The following CADPS variants were observed in gnomAD, a reference collection of about 807,000 sequenced individuals.
CADPS encodes calcium dependent secretion activator.
A neutral mutation model predicts 167.3 loss-of-function variants in CADPS; 57 were observed. The ratio of observed to expected loss-of-function variants is 0.34; its 90% CI spans 0.28 to 0.42. The LOEUF is 0.42. CADPS is among the 20% of genes least tolerant of loss of function. The probability of loss-of-function intolerance (pLI) is 1.00; values close to 1 mark genes in which losing one functional copy is unlikely to be tolerated. For missense variants in CADPS, 1,414 were observed against 1,738.1 expected, an observed-to-expected ratio of 0.81 and a Z score of 3.32; for synonymous variants, 676 against 635.3, an observed-to-expected ratio of 1.06 and a Z score of -0.96.
intron 28 of CADPS, among the ~76,000 whole-genome samples, chr3:62,408,426 A>G (rs2048317303): frequency 6.6e-6 from 1 of 152,150 alleles, no homozygotes; most frequent in Admixed American, 6.5e-5. Flanking sequence ...TTGCTCACTT[A>G]CCTCTTCCTA....
chr3:62,510,784 G>T (rs1421787033), intron 17 of CADPS, among the ~76,000 whole-genome samples: 2 of 152,028 alleles, frequency 1.3e-5, no homozygotes, highest in Admixed American at 1.3e-4. Flanking sequence ...TGGTTATGTA[G>T]ACCTATCCAT....
At chr3:62,787,639 A>G (rs996924671) in intron 1 of CADPS, among the ~76,000 whole-genome samples, 1 of 152,200 alleles carries the variant, frequency 6.6e-6, no homozygotes, top group African/African-American at 2.4e-5. Flanking sequence ...TGTGTGTTCA[A>G]AATAGCTTGG....
At chr3:62,788,707 G>C (rs1404870455) in intron 1 of CADPS, among the ~76,000 whole-genome samples, 1 of 152,156 alleles carries the variant, frequency 6.6e-6, no homozygotes, top group East Asian at 1.9e-4. Context: ...TTTTCAATCA[G>C]TTGACTTCTG....
intron 1 of CADPS, among the ~76,000 whole-genome samples, chr3:62,794,792 A>AAAGAAAAAG (rs2093267903): frequency 2.7e-5 from 4 of 147,526 alleles, no homozygotes; most frequent in African/African-American, 1.1e-4. Context: ...AAAAAAAAAA[A>AAAGAAAAAG]AAAAAAAAAA....
chr3:62,584,629 T>C (rs1342915888), intron 8 of CADPS, among the ~76,000 whole-genome samples: 1 of 152,266 alleles, frequency 6.6e-6, no homozygotes, highest in Admixed American at 6.5e-5. Flanking sequence ...GCATCTTACC[T>C]ATTCTTTTTG....
At chr3:62,858,136 A>C (rs2080064501) in intron 1 of CADPS, among the ~76,000 whole-genome samples, 1 of 152,194 alleles carries the variant, frequency 6.6e-6, no homozygotes, top group Non-Finnish European at 1.5e-5. Flanking sequence ...TTACACAACA[A>C]GAAAATTTAC....
intron 9 of CADPS, among the ~76,000 whole-genome samples, chr3:62,559,520 G>A (rs1478802622): frequency 6.6e-6 from 1 of 151,302 alleles, no homozygotes; most frequent in Non-Finnish European, 1.5e-5. Flanking sequence ...TTTAGATGGA[G>A]TTTTCTTCTT....
intron 3 of CADPS, among the ~76,000 whole-genome samples, chr3:62,691,614 A>G (rs1254992869): frequency 2.0e-5 from 3 of 152,088 alleles, no homozygotes; most frequent in South Asian, 2.1e-4. Flanking sequence ...AAGGAACTAG[A>G]TCATGTCATT....
At chr3:62,611,725 T>A (rs1454216844) in intron 6 of CADPS, among the ~76,000 whole-genome samples, 3 of 152,200 alleles carry the variant, frequency 2.0e-5, no homozygotes, top group Admixed American at 2.0e-4. Context: ...AGGATCTTCA[T>A]ACTTACTGTT....
intron 1 of CADPS, among the ~76,000 whole-genome samples, chr3:62,865,071 A>G (rs1358826866): frequency 6.6e-6 from 1 of 152,202 alleles, no homozygotes; most frequent in Non-Finnish European, 1.5e-5. Context: ...ATGTTATGAC[A>G]CACTGCCTTA....
intron 26 of CADPS, among the ~76,000 whole-genome samples, 177 bp from the exon 27 acceptor site, chr3:62,445,974 T>C (rs1237297813): frequency 6.6e-6 from 1 of 152,230 alleles, no homozygotes; most frequent in Non-Finnish European, 1.5e-5. Flanking sequence ...CCATAGCCAC[T>C]GCTTTGCAGA....
chr3:62,516,792 C>T, intron 14 of CADPS, 149 bp from the exon 15 acceptor site: 1 of 600,418 alleles, frequency 1.7e-6, no homozygotes, highest in Non-Finnish European at 3.0e-6. Flanking sequence ...GAATTCACAC[C>T]ATATATGTGT....
At chr3:62,549,153 T>A (rs545745306) in intron 11 of CADPS, among the ~76,000 whole-genome samples, 1 of 152,348 alleles carries the variant, frequency 6.6e-6, no homozygotes, top group East Asian at 1.9e-4. Flanking sequence ...AAGACTCTAT[T>A]TAGAATGAAT....
intron 26 of CADPS, among the ~76,000 whole-genome samples, chr3:62,459,066 G>A (rs1201190377): frequency 6.6e-6 from 1 of 152,156 alleles, no homozygotes; most frequent in Non-Finnish European, 1.5e-5. Context: ...ACCCCAAAGG[G>A]GATGTCAAAT....
chr3:62,655,458 G>C (rs2071307199), intron 4 of CADPS, among the ~76,000 whole-genome samples: 1 of 152,114 alleles, frequency 6.6e-6, no homozygotes, highest in Admixed American at 6.6e-5. Flanking sequence ...TTTTTGTTTT[G>C]GGCTGATAAC....
Position 62,458,858 on chromosome 3 carries a change from T to C in CADPS, c.3636+6509A>G, listed in dbSNP as rs554988984. 6.0e-4 allele frequency among the ~76,000 whole-genome samples: 91 copies of C among 152,360 alleles called. 1 individual carries two copies. In the South Asian group the frequency reaches 0.017, roughly 29 times the overall value. On this transcript the variant is annotated intron_variant, in intron 26 of 29. Coordinates refer to ENST00000383710, the MANE Select transcript of CADPS (RefSeq NM_003716.4). This position sits in a 1 kb window ranked among gnomAD's most constrained non-coding sequence, Gnocchi z 4.6. Reference sequence around the variant, plus strand: ...TGGAGAAAATACTGTGTGTGTCTTATGTTTGCTTTGAATGATATTCAGCTG... The same window carrying C: ...TGGAGAAAATACTGTGTGTGTCTTACGTTTGCTTTGAATGATATTCAGCTG...
chr3:62,453,066 G>A (rs1447939972), intron 26 of CADPS, among the ~76,000 whole-genome samples: 1 of 152,160 alleles, frequency 6.6e-6, no homozygotes, highest in Non-Finnish European at 1.5e-5. Flanking sequence ...CCAGGAGTTC[G>A]AAGCTGCGGT....
intron 17 of CADPS, among the ~76,000 whole-genome samples, chr3:62,507,666 C>T (rs987794195): frequency 6.6e-6 from 1 of 152,112 alleles, no homozygotes; most frequent in African/African-American, 2.4e-5. Flanking sequence ...ATGCATATTC[C>T]CAGGCTCCAC....
At position 62,874,828 on chromosome 3, in the gene CADPS, C is replaced by T; in HGVS notation, c.202G>A (p.Gly68Ser). 1 of 1,037,226 alleles carries T rather than the reference C, an allele frequency of 9.6e-7. No homozygotes were observed. Among genetic ancestry groups the T allele is most frequent in the Non-Finnish European group, 1.2e-6 (1 of 854,630 alleles). The allele number at this position is 1,037,226 out of a possible 1,614,324, so 64.3% of individuals were successfully genotyped here. A position where few individuals can be genotyped will look rare whatever the true frequency, so the allele number is the denominator to read the frequency against. ...CCGGCCCCGCCGCCGCTGCTCGCGC[C>T]GCTGCCCCCGCCGCCGCCTGCACCC... Reference protein sequence around the residue: ...GVGAGGGGGSGASSGGGAGGL... With the variant: ...GVGAGGGGGSSASSGGGAGGL... The change falls in exon 1 of 30, where the codon GGC (glycine) becomes AGC (serine). Residue 68 changes from glycine (G) to serine (S), a missense_variant. By Grantham distance (56) the Gly-to-Ser change is moderately conservative. Transcript: ENST00000383710. The surrounding 1 kb of genome is among the most constrained non-coding windows in gnomAD (Gnocchi z 7.1).
Sources: allele counts gnomAD v4.1 joint callset (sites outside exome capture counted in the v4.1 genomes callset), GRCh38; gene constraint gnomAD v4.1.1; non-coding constraint Gnocchi (gnomAD v3.1); transcripts MANE v1.5; gene names NCBI Gene and HGNC (gene_info 2026-07-23, HGNC 2026-07-21).